The following TMEM38B variants were observed in gnomAD, a reference collection of about 807,000 sequenced individuals.
TMEM38B encodes the protein transmembrane protein 38B, also known as trimeric intracellular cation channel type B.
TMEM38B carries 24 observed loss-of-function variants against 28.7 expected under a neutral mutation model. That is an observed-to-expected ratio of 0.84 (90% CI 0.61 to 1.18). The LOEUF (loss-of-function observed/expected upper bound fraction) is 1.18. TMEM38B is among the 50% of genes most tolerant of loss of function. TMEM38B has a pLI of 0.00. For synonymous variants in TMEM38B, 131 were observed against 127.7 expected, an observed-to-expected ratio of 1.03 and a Z score of -0.17; for missense variants, 380 against 350.9, an observed-to-expected ratio of 1.08 and a Z score of -0.66.
intron 2 of TMEM38B, chr9:105,710,654 G>A: frequency 2.8e-6 from 2 of 725,684 alleles, no homozygotes; most frequent in African/African-American, 1.7e-5. Flanking sequence ...TGGAAATCAA[G>A]TGGAACATAC....
intron 5 of TMEM38B, among the ~76,000 whole-genome samples, chr9:105,767,530 G>T (rs59298679): frequency 0.019 from 2,898 of 152,290 alleles, 50 homozygotes; most frequent in African/African-American, 0.042. Context: ...AATTTGGGAA[G>T]AAATCAGATC....
At chr9:105,758,741 A>C in intron 5 of TMEM38B, 1 of 734,430 alleles carries the variant, frequency 1.4e-6, no homozygotes, top group South Asian at 1.6e-5. Context: ...GTATTTTTAA[A>C]TGATGAAACT....
intron 2 of TMEM38B, among the ~76,000 whole-genome samples, chr9:105,711,620 G>C (rs564835501): frequency 6.6e-6 from 1 of 151,936 alleles, no homozygotes; most frequent in Admixed American, 6.6e-5. Context: ...CTGAGGCATC[G>C]CTTGAGCCCA....
rs763377458 is a variant in TMEM38B at position 105,694,714 on chromosome 9, T to TC, written c.57dup (p.Phe20LeufsTer3). The stretch of plus-strand genomic sequence containing the variant: ...TGGCCTTCTCCCGCACGTCCATGTT[T>TC]CCCTTTTTTGACATCGCGCACTATC... On this transcript the variant is annotated frameshift_variant, in exon 1 of 6. Transcript: ENST00000374692. LOFTEE classifies it high-confidence loss of function. The TC allele has an allele frequency of 8.7e-6, 14 of 1,613,900 alleles. No individual in the cohort carries two copies. Among genetic ancestry groups the TC allele is most frequent in the Non-Finnish European group, 1.7e-6 (2 of 1,179,922 alleles).
At chr9:105,749,234 T>C (rs753466475) in intron 5 of TMEM38B, 52 of 528,784 alleles carry the variant, frequency 9.8e-5, no homozygotes, top group East Asian at 1.8e-4. Context: ...TGTTAGTCTG[T>C]TCTCATGCTG....
chr9:105,697,636 G>T (rs146983924), intron 1 of TMEM38B, among the ~76,000 whole-genome samples: 1 of 151,674 alleles, frequency 6.6e-6, no homozygotes, highest in African/African-American at 2.4e-5. Flanking sequence ...CTGTCTTTGT[G>T]GATCATGGAT....
At chr9:105,706,055 A>G (rs1835651495) in intron 2 of TMEM38B, among the ~76,000 whole-genome samples, 1 of 151,828 alleles carries the variant, frequency 6.6e-6, no homozygotes, top group East Asian at 1.9e-4. Context: ...ACCCGCCCTC[A>G]CGCATGGCTA....
At chr9:105,728,231 A>C (rs377729811) in intron 4 of TMEM38B, among the ~76,000 whole-genome samples, 2 of 151,836 alleles carry the variant, frequency 1.3e-5, no homozygotes, top group African/African-American at 2.4e-5. Context: ...TCCTAACACT[A>C]TCTCTCTCCC....
At chr9:105,699,890 T>C (rs1588381074) in intron 1 of TMEM38B, among the ~76,000 whole-genome samples, 1 of 152,202 alleles carries the variant, frequency 6.6e-6, no homozygotes, top group Non-Finnish European at 1.5e-5. Context: ...TATTAGGAAG[T>C]TGGAATATGC....
At chr9:105,759,336 A>G in intron 5 of TMEM38B, 1 of 1,044,366 alleles carries the variant, frequency 9.6e-7, no homozygotes, top group Non-Finnish European at 1.5e-6. Context: ...GAATTCCTTC[A>G]AATCAATGGA....
chr9:105,769,979 A>G (rs942356919), intron 5 of TMEM38B, among the ~76,000 whole-genome samples: 1 of 152,154 alleles, frequency 6.6e-6, no homozygotes, highest in Non-Finnish European at 1.5e-5. Flanking sequence ...TGTGCTGAAT[A>G]CTGATGAGAA....
At chr9:105,711,791 G>A (rs1835912525) in intron 2 of TMEM38B, among the ~76,000 whole-genome samples, 1 of 149,234 alleles carries the variant, frequency 6.7e-6, no homozygotes, top group Admixed American at 6.7e-5. Flanking sequence ...CTGCACTCCA[G>A]CCTGCACGTA....
At chr9:105,748,881 C>T (rs964362155) in intron 5 of TMEM38B, among the ~76,000 whole-genome samples, 4 of 152,128 alleles carry the variant, frequency 2.6e-5, no homozygotes, top group African/African-American at 4.8e-5. Context: ...GTTCCCTATT[C>T]GCAAGTAGAC....
Position 105,775,396 on chromosome 9 carries a change from A to G in TMEM38B, c.*1316A>G, listed in dbSNP as rs750626255. 6.6e-6 allele frequency: 1 copy of G among 152,142 alleles called. No homozygotes were observed. The highest frequency in any genetic ancestry group is 1.5e-5 in the Non-Finnish European group (1 of 68,000). The allele number at this position is 152,142 out of a possible 1,614,324, so 9.4% of individuals were successfully genotyped here. The stretch of plus-strand genomic sequence containing the variant: ...TTATAATATTAAAACTCTGTGACAT[A>G]GTTTCTTTTACCAAAACCATGAACC... On this transcript the variant is annotated 3_prime_UTR_variant, in exon 6 of 6. Coordinates refer to ENST00000374692, the MANE Select transcript of TMEM38B (RefSeq NM_018112.3).
intron 5 of TMEM38B, among the ~76,000 whole-genome samples, chr9:105,750,395 G>A (rs920157291): frequency 6.6e-6 from 1 of 152,030 alleles, no homozygotes; most frequent in African/African-American, 2.4e-5. Context: ...AAGCTGAGGT[G>A]GGCAGATCAC....
chr9:105,728,484 A>G (rs1348545764), intron 4 of TMEM38B, among the ~76,000 whole-genome samples: 1 of 152,026 alleles, frequency 6.6e-6, no homozygotes, highest in African/African-American at 2.4e-5. Context: ...TATCCAGGTT[A>G]TTATTGATGG....
chr9:105,759,110 T>C (rs1837939966), intron 5 of TMEM38B: 1 of 784,374 alleles, frequency 1.3e-6, no homozygotes, highest in Non-Finnish European at 2.4e-6. Context: ...GAAGTGATGA[T>C]ACGAATAATC....
Position 105,721,410 on chromosome 9 carries a change from G to T in TMEM38B, c.270-127G>T, listed in dbSNP as rs576015705. 6.8e-6 allele frequency: 5 copies of T among 740,326 alleles called. No homozygotes were observed. The African/African-American group carries it at 9.0e-5, about 13-fold the overall frequency. 45.9% of individuals were successfully genotyped at this position (740,326 alleles called of 1,614,324 possible). ...CAAGTTGTGCTTTTATTGAAATCAA[G>T]TTAAATGTTTATATGGAAAATTCCA... On this transcript the variant is annotated intron_variant, in intron 2 of 5. Coordinates refer to ENST00000374692, the MANE Select transcript of TMEM38B (RefSeq NM_018112.3).
At chr9:105,762,366 T>C (rs1267185145) in intron 5 of TMEM38B, among the ~76,000 whole-genome samples, 1 of 150,074 alleles carries the variant, frequency 6.7e-6, no homozygotes, top group Non-Finnish European at 1.5e-5. Context: ...ACTAACTCAT[T>C]ATCTAGCATT....
Sources: gnomAD v4.1 joint callset for allele counts (sites outside exome capture counted in the v4.1 genomes callset) on GRCh38, gnomAD v4.1.1 for gene constraint, MANE v1.5 for transcripts, NCBI Gene and HGNC (gene_info 2026-07-23, HGNC 2026-07-21) for gene names.